The following OSBPL6 variants were observed in gnomAD, a reference collection of about 807,000 sequenced individuals.
OSBPL6 encodes the protein oxysterol-binding protein-related protein 6.
Under a neutral mutation model 125.8 loss-of-function variants are expected in OSBPL6, and 49 were observed. The observed-to-expected ratio is 0.39, with a 90% CI of 0.31 to 0.49. OSBPL6 has a LOEUF of 0.49. Ranked by LOEUF, OSBPL6 falls within the 20% of genes least tolerant of loss-of-function variation. The pLI is 0.88. For missense variants in OSBPL6, 986 were observed against 1,135.4 expected, an observed-to-expected ratio of 0.87 and a Z score of 1.89; for synonymous variants, 394 against 391.8, an observed-to-expected ratio of 1.01 and a Z score of -0.07.
intron 1 of OSBPL6, among the ~76,000 whole-genome samples, chr2:178,280,138 C>T (rs1173832668): frequency 1.3e-5 from 2 of 152,026 alleles, no homozygotes; most frequent in African/African-American, 4.8e-5. Context: ...GTGGAGGTTG[C>T]AGTGAGCTGA....
At chr2:178,245,889 C>T (rs964850574) in intron 1 of OSBPL6, among the ~76,000 whole-genome samples, 3 of 152,182 alleles carry the variant, frequency 2.0e-5, no homozygotes, top group African/African-American at 7.2e-5. Flanking sequence ...ATAGTACATC[C>T]TATAGGAATT....
At chr2:178,367,662 A>G (rs530465881) in intron 13 of OSBPL6, among the ~76,000 whole-genome samples, 1 of 152,346 alleles carries the variant, frequency 6.6e-6, no homozygotes, top group South Asian at 2.1e-4. Flanking sequence ...TCTTTAAGAC[A>G]GTAACTTCTT....
intron 12 of OSBPL6, among the ~76,000 whole-genome samples, chr2:178,355,026 C>A (rs1210051751): frequency 6.6e-6 from 1 of 152,186 alleles, no homozygotes; most frequent in East Asian, 1.9e-4. Flanking sequence ...TAAAGATGTT[C>A]TTTGAAACCA....
intron 23 of OSBPL6, among the ~76,000 whole-genome samples, chr2:178,394,022 C>A (rs1221131566): frequency 6.6e-6 from 1 of 152,182 alleles, no homozygotes; most frequent in Non-Finnish European, 1.5e-5. Context: ...TTATAGAACC[C>A]TAGACAGCAT....
intron 1 of OSBPL6, among the ~76,000 whole-genome samples, chr2:178,228,504 C>T (rs920791595): frequency 7.2e-5 from 11 of 152,118 alleles, no homozygotes; most frequent in Non-Finnish European, 1.5e-4. Context: ...CACTGCACTC[C>T]GGCCAGGGTG....
chr2:178,318,901 T>A (rs1302815795), intron 3 of OSBPL6, among the ~76,000 whole-genome samples: 1 of 152,222 alleles, frequency 6.6e-6, no homozygotes, highest in East Asian at 1.9e-4. Flanking sequence ...ATAACTGAGA[T>A]GATAGCTGCT....
chr2:178,286,552 G>A lies in OSBPL6; in HGVS notation c.-156+1431G>A, dbSNP rs1684709708. Among the ~76,000 whole-genome samples, 2 of 152,196 alleles carry A rather than the reference G, an allele frequency of 1.3e-5. 1 individual carries two copies. Among genetic ancestry groups the A allele is most frequent in the African/African-American group, 4.8e-5 (2 of 41,438 alleles). The stretch of plus-strand genomic sequence containing the variant: ...CTATGAAGTAAGAAGACTTTTCAAA[G>A]ATAAGATGTTTCAGGCCATGGGCTT... On this transcript the variant is annotated intron_variant, in intron 2 of 24. Transcript: ENST00000190611.
intron 13 of OSBPL6, among the ~76,000 whole-genome samples, chr2:178,369,742 A>G (rs1334004275): frequency 6.6e-6 from 1 of 152,262 alleles, no homozygotes; most frequent in African/African-American, 2.4e-5. Flanking sequence ...AACATGGGGT[A>G]AGATGAGAGC....
chr2:178,237,768 A>G (rs1181061752), intron 1 of OSBPL6, among the ~76,000 whole-genome samples: 1 of 152,138 alleles, frequency 6.6e-6, no homozygotes, highest in Admixed American at 6.5e-5. Context: ...GACATTGCCA[A>G]ATGTCCCTGG....
chr2:178,370,910 A>G (rs1693322127), intron 13 of OSBPL6, among the ~76,000 whole-genome samples: 1 of 152,232 alleles, frequency 6.6e-6, no homozygotes, highest in African/African-American at 2.4e-5. Flanking sequence ...TGGAGAGAGG[A>G]GAGAAGAGGC....
chr2:178,375,969 G>T (rs1693839253), intron 15 of OSBPL6, among the ~76,000 whole-genome samples: 1 of 152,128 alleles, frequency 6.6e-6, no homozygotes, highest in Non-Finnish European at 1.5e-5. Flanking sequence ...ACAGGTGAGG[G>T]GTTGGGGAGT....
chr2:178,315,882 G>C (rs1200026142), intron 3 of OSBPL6, among the ~76,000 whole-genome samples: 1 of 152,196 alleles, frequency 6.6e-6, no homozygotes, highest in Non-Finnish European at 1.5e-5. Context: ...TCACTTTACA[G>C]AGAACATTTT....
At chr2:178,225,907 C>G (rs2090541209) in intron 1 of OSBPL6, among the ~76,000 whole-genome samples, 1 of 152,160 alleles carries the variant, frequency 6.6e-6, no homozygotes, top group Non-Finnish European at 1.5e-5. Flanking sequence ...TGGGTGAGAA[C>G]ACAGAGCCAA....
At chr2:178,212,317 C>T (rs1009352392) in intron 1 of OSBPL6, among the ~76,000 whole-genome samples, 20 of 152,126 alleles carry the variant, frequency 1.3e-4, no homozygotes, top group Admixed American at 9.8e-4. Flanking sequence ...ACTGAGCCTG[C>T]GCTAATTTGT....
intron 1 of OSBPL6, among the ~76,000 whole-genome samples, chr2:178,245,864 C>T (rs2091468801): frequency 6.6e-6 from 1 of 152,150 alleles, no homozygotes; most frequent in South Asian, 2.1e-4. Context: ...CTCTAAGCCC[C>T]CAGCCCTAAA....
chr2:178,276,695 T>A (rs909454817), intron 1 of OSBPL6, among the ~76,000 whole-genome samples: 2 of 152,008 alleles, frequency 1.3e-5, no homozygotes, highest in Non-Finnish European at 2.9e-5. Context: ...TTTATAAGTT[T>A]CCCTGAACTT....
At chr2:178,279,516 T>C (rs950106942) in intron 1 of OSBPL6, among the ~76,000 whole-genome samples, 1 of 152,230 alleles carries the variant, frequency 6.6e-6, no homozygotes, top group African/African-American at 2.4e-5. Flanking sequence ...CCTTTACAAC[T>C]TTTGCTCATT....
chr2:178,220,112 A>G (rs1157399692), intron 1 of OSBPL6, among the ~76,000 whole-genome samples: 4 of 152,210 alleles, frequency 2.6e-5, no homozygotes, highest in Admixed American at 1.3e-4. Flanking sequence ...AATAACTACT[A>G]TGTGCTGATA....
intron 1 of OSBPL6, among the ~76,000 whole-genome samples, chr2:178,233,433 T>C (rs998843777): frequency 1.3e-5 from 2 of 152,206 alleles, no homozygotes. Context: ...CTGAGGCTTC[T>C]CAACCATCTG....
Sources: gnomAD v4.1 joint callset for allele counts (sites outside exome capture counted in the v4.1 genomes callset) on GRCh38, gnomAD v4.1.1 for gene constraint, MANE v1.5 for transcripts, NCBI Gene and HGNC (gene_info 2026-07-23, HGNC 2026-07-21) for gene names.